The following RCSD1 variants were observed in gnomAD, a reference collection of about 807,000 sequenced individuals.
The protein encoded by RCSD1 is RCSD domain containing 1.
In RCSD1, 26 loss-of-function variants were observed where a neutral mutation model predicts 42.5. The observed-to-expected ratio is 0.61, with a 90% CI of 0.45 to 0.85. RCSD1 has a LOEUF of 0.85. RCSD1 is among the 40% of genes least tolerant of loss of function. The probability of loss-of-function intolerance (pLI) is 0.00; values close to 1 mark genes in which losing one functional copy is unlikely to be tolerated. For missense variants in RCSD1, 571 were observed against 528.3 expected, an observed-to-expected ratio of 1.08 and a Z score of -0.79; for synonymous variants, 220 against 212.2, an observed-to-expected ratio of 1.04 and a Z score of -0.32.
At chr1:167,675,808 G>A (rs898524763) in intron 1 of RCSD1, among the ~76,000 whole-genome samples, 2 of 152,154 alleles carry the variant, frequency 1.3e-5, no homozygotes, top group African/African-American at 2.4e-5. Context: ...CACCAAAATC[G>A]CTGAGTCCAG....
intron 1 of RCSD1, among the ~76,000 whole-genome samples, chr1:167,660,577 T>C (rs973396578): frequency 3.3e-5 from 5 of 151,984 alleles, no homozygotes; most frequent in African/African-American, 1.2e-4. Flanking sequence ...TCTTCCCACC[T>C]CAGCCTCTTG....
intron 6 of RCSD1, 28 bp from the exon 7 acceptor site, chr1:167,704,636 A>C: frequency 6.2e-7 from 1 of 1,606,014 alleles, no homozygotes; most frequent in Non-Finnish European, 8.5e-7. Context: ...CCATTTTCCT[A>C]ATTAATTCTT....
intron 6 of RCSD1, among the ~76,000 whole-genome samples, chr1:167,701,319 T>TCTTTCTTTCTTTCTTTC (rs1553252220): frequency 4.8e-4 from 65 of 136,808 alleles, no homozygotes; most frequent in Non-Finnish European, 6.3e-4. Context: ...TTTCTTTCTT[T>TCTTTCTTTCTTTCTTTC]TTTTTAGATG....
At chr1:167,651,487 C>T (rs568439263) in intron 1 of RCSD1, among the ~76,000 whole-genome samples, 2 of 152,356 alleles carry the variant, frequency 1.3e-5, no homozygotes, top group African/African-American at 4.8e-5. Context: ...CAACTCTCCT[C>T]GCACGCCGAC....
chr1:167,637,838 A>C lies in RCSD1; in HGVS notation c.6+7409A>C, dbSNP rs1302266443. Among the ~76,000 whole-genome samples the C allele has an allele frequency of 2.0e-5, 3 of 151,496 alleles. No individual in the cohort carries two copies. The East Asian group carries it at 5.8e-4, about 29-fold the overall frequency. ...TCCACTATGGCCACACTTCCTGTAC[A>C]CTCCCTGAAAAGTCAGCGTTTCTCC... is the stretch of plus-strand genomic sequence containing the variant. On this transcript the variant is annotated intron_variant, in intron 1 of 6. Coordinates refer to ENST00000367854, the MANE Select transcript of RCSD1 (RefSeq NM_052862.4).
At chr1:167,647,281 G>A (rs948495727) in intron 1 of RCSD1, among the ~76,000 whole-genome samples, 1 of 152,026 alleles carries the variant, frequency 6.6e-6, no homozygotes, top group African/African-American at 2.4e-5. Flanking sequence ...GCCTGCATGA[G>A]GCATGTTCTT....
intron 1 of RCSD1, among the ~76,000 whole-genome samples, chr1:167,634,714 C>T (rs1657791458): frequency 6.6e-6 from 1 of 152,064 alleles, no homozygotes; most frequent in Non-Finnish European, 1.5e-5. Context: ...CACATCATGG[C>T]ACTGAAAAAA....
intron 1 of RCSD1, chr1:167,633,613 G>A (rs1027418930): frequency 6.6e-6 from 1 of 152,216 alleles, no homozygotes; most frequent in African/African-American, 2.4e-5. Context: ...TTGCCTAGTT[G>A]AGCCTCAAAC....
chr1:167,701,288 C>CTTTA (rs1558096084), intron 6 of RCSD1, among the ~76,000 whole-genome samples: 1 of 146,660 alleles, frequency 6.8e-6, no homozygotes, highest in Non-Finnish European at 1.5e-5. Flanking sequence ...TTCTTTCTTT[C>CTTTA]TTTCTTTCTT....
intron 1 of RCSD1, among the ~76,000 whole-genome samples, chr1:167,639,637 C>T (rs573466504): frequency 2.1e-4 from 32 of 152,300 alleles, no homozygotes; most frequent in African/African-American, 7.0e-4. Flanking sequence ...GTATTACAGG[C>T]GCCTGCCACT....
rs180952681 is a variant in RCSD1, at chr1:167,703,877, C to T, written c.1219-787C>T. Among the ~76,000 whole-genome samples, 95 of 152,292 alleles carry T rather than the reference C, an allele frequency of 6.2e-4. 3 individuals are homozygous for T. Among genetic ancestry groups the T allele is most frequent in the Admixed American group, 6.2e-3 (95 of 15,306 alleles). On this transcript the variant is annotated intron_variant, in intron 6 of 6. Transcript: ENST00000367854. The stretch of plus-strand genomic sequence containing the variant: ...CTGCAGCCCACTTTAACCCAGCCCT[C>T]ACTGGTACCTGGAAGTCCTCTCACC...
intron 3 of RCSD1, 149 bp from the exon 4 acceptor site, chr1:167,689,900 G>A: frequency 1.4e-6 from 1 of 692,034 alleles, no homozygotes; most frequent in Non-Finnish European, 2.5e-6. Context: ...CGTCGCCCAG[G>A]CCCTAATGAA....
rs1659737763 is a variant in RCSD1, at chr1:167,705,535, A to G, written c.*839A>G. On this transcript the variant is annotated 3_prime_UTR_variant, in exon 7 of 7. Coordinates refer to ENST00000367854, the MANE Select transcript of RCSD1 (RefSeq NM_052862.4). Reference sequence around the variant, plus strand: ...CTGAAAGAAAAGCAGTGATACCTGAATAATGCTGGCTCTCCGATTGATCCT... The same window carrying G: ...CTGAAAGAAAAGCAGTGATACCTGAGTAATGCTGGCTCTCCGATTGATCCT... The G allele has an allele frequency of 6.6e-6, 1 of 152,358 alleles. No individual in the cohort carries two copies. The highest frequency in any genetic ancestry group is 6.5e-5 in the Admixed American group (1 of 15,304). The allele number at this position is 152,358 out of a possible 1,614,324, so 9.4% of individuals were successfully genotyped here.
chr1:167,665,671 G>A (rs562449660), intron 1 of RCSD1, among the ~76,000 whole-genome samples: 1 of 152,332 alleles, frequency 6.6e-6, no homozygotes, highest in Non-Finnish European at 1.5e-5. Flanking sequence ...TGGGTGTGTA[G>A]TGGTATCTCT....
At chr1:167,691,950 C>T (rs768027224) in intron 4 of RCSD1, among the ~76,000 whole-genome samples, 18 of 152,182 alleles carry the variant, frequency 1.2e-4, no homozygotes, top group Non-Finnish European at 1.9e-4. Context: ...GATGTAGCCC[C>T]AGACTCCTAC....
At chr1:167,694,571 C>T (rs1002365482) in intron 5 of RCSD1, among the ~76,000 whole-genome samples, 4 of 152,206 alleles carry the variant, frequency 2.6e-5, no homozygotes, top group Non-Finnish European at 5.9e-5. Context: ...GGCGTGCTCT[C>T]TCCTTTGTGG....
At chr1:167,644,655 C>T (rs1658089838) in intron 1 of RCSD1, among the ~76,000 whole-genome samples, 1 of 152,110 alleles carries the variant, frequency 6.6e-6, no homozygotes, top group Non-Finnish European at 1.5e-5. Context: ...GAGTAGAGCT[C>T]CCCTTCCACT....
rs1277764045 is a variant in RCSD1, at chr1:167,694,299, C to A, written c.471C>A (p.Asn157Lys). 6.2e-7 allele frequency: 1 copy of A among 1,613,764 alleles called. No individual in the cohort carries two copies. The highest frequency in any genetic ancestry group is 1.1e-5 in the South Asian group (1 of 91,006). Residue 157 changes from asparagine (N) to lysine (K), a missense_variant, in exon 5 of 7, where the codon AAC (asparagine) becomes AAA (lysine). Asn to Lys is a moderately conservative substitution (Grantham distance 94). Transcript: ENST00000367854. The stretch of plus-strand genomic sequence containing the variant: ...AAGGCAGTCATCTGCCCTGTTACAA[C>A]AAGGTAAATTCTAGCTCCAGATTAT... The part of the protein sequence containing the change: ...PPEGSHLPCY[N>K]KVRTRGSIKR...
At chr1:167,678,801 T>G (rs1202991957) in intron 1 of RCSD1, among the ~76,000 whole-genome samples, 1 of 152,180 alleles carries the variant, frequency 6.6e-6, no homozygotes, top group Non-Finnish European at 1.5e-5. Context: ...TCCCGCCCCC[T>G]CTTGTTGTCC....
Sources: gnomAD v4.1 joint callset for allele counts (sites outside exome capture counted in the v4.1 genomes callset) on GRCh38, gnomAD v4.1.1 for gene constraint, MANE v1.5 for transcripts, NCBI Gene and HGNC (gene_info 2026-07-23, HGNC 2026-07-21) for gene names.